TRPC4: variants seen among roughly 807,000 people sequenced by gnomAD.
TRPC4 encodes the protein short transient receptor potential channel 4.
Under a neutral mutation model 99.4 loss-of-function variants are expected in TRPC4, and 49 were observed. That is an observed-to-expected ratio of 0.49 (90% CI 0.39 to 0.63). The LOEUF (loss-of-function observed/expected upper bound fraction) is 0.63, where lower values mean the gene tolerates loss of function less well. Ranked by LOEUF, TRPC4 falls within the 20% of genes least tolerant of loss-of-function variation. TRPC4 has a pLI of 0.00. For synonymous variants in TRPC4, 454 were observed against 425.9 expected (o/e 1.07, Z -0.81); for missense variants, 898 against 1,152.9 (o/e 0.78, Z 3.20).
Position 37,782,967 on chromosome 13 carries a change from CACT to C in TRPC4, c.364_366del (p.Ser122del), listed in dbSNP as rs775802370. The C allele has an allele frequency of 6.9e-7, 1 of 1,457,554 alleles. No homozygotes were observed. The highest frequency in any genetic ancestry group is 1.6e-5 in the South Asian group (1 of 62,642). 90.3% of individuals were successfully genotyped at this position (1,457,554 alleles called of 1,614,324 possible). On this transcript the variant is annotated inframe_deletion, in exon 2 of 11. Transcript: ENST00000379705. ...ATTTTTGCAGGTACCTGTTTTTCTC[CACT>C]AGGTTTTTTGTGGTTCAATAACAGC...
intron 4 of TRPC4, among the ~76,000 whole-genome samples, chr13:37,677,714 A>G (rs1953106832): frequency 6.6e-6 from 1 of 152,172 alleles, no homozygotes; most frequent in Non-Finnish European, 1.5e-5. Flanking sequence ...TTATAAGTGG[A>G]GGTTTCAGCA....
intron 1 of TRPC4, among the ~76,000 whole-genome samples, chr13:37,798,169 T>A (rs1957305753): frequency 6.6e-6 from 1 of 152,176 alleles, no homozygotes; most frequent in Non-Finnish European, 1.5e-5. Flanking sequence ...AGTATGTTCT[T>A]TAATTCAAGT....
chr13:37,693,126 A>AT (rs1057400957), intron 3 of TRPC4, among the ~76,000 whole-genome samples: 1 of 151,980 alleles, frequency 6.6e-6, no homozygotes, highest in East Asian at 1.9e-4. Context: ...CTGGTCCAGG[A>AT]TTTTTTTCTC....
chr13:37,867,657 G>A (rs1380161849), intron 1 of TRPC4, among the ~76,000 whole-genome samples: 1 of 151,998 alleles, frequency 6.6e-6, no homozygotes, highest in Non-Finnish European at 1.5e-5. Context: ...TTCAGAAACA[G>A]CAATTTTTCT....
At chr13:37,701,486 T>C (rs1347629058) in intron 3 of TRPC4, among the ~76,000 whole-genome samples, 2 of 152,100 alleles carry the variant, frequency 1.3e-5, no homozygotes, top group African/African-American at 4.8e-5. Context: ...AAATGAGGCA[T>C]GTATCATTTC....
intron 4 of TRPC4, among the ~76,000 whole-genome samples, chr13:37,677,441 T>C (rs1295287367): frequency 6.6e-6 from 1 of 151,716 alleles, no homozygotes; most frequent in East Asian, 1.9e-4. Flanking sequence ...TCACAATTCA[T>C]CCATAGAAGT....
rs1566138051 is a variant in TRPC4, at chr13:37,745,448, A to ATATATATATATATATATGCG, written c.897+488_897+489insCGCATATATATATATATATA. On this transcript the variant is annotated intron_variant, in intron 3 of 10. Transcript: ENST00000379705. Reference sequence around the variant, plus strand: ...TATATATATATGCGTATATATATATATATATATATATATATATATATATAT... The same window carrying ATATATATATATATATATGCG: ...TATATATATATGCGTATATATATATATATATATATATATATATGCGTATATATATATATATATATATATAT... Among the ~76,000 whole-genome samples the ATATATATATATATATATGCG allele has an allele frequency of 1.0e-3, 3 of 2,920 alleles. No homozygotes were observed. In the Admixed American group the frequency reaches 0.023, roughly 22 times the overall value. 1.9% of individuals were successfully genotyped at this position (2,920 alleles called of 152,430 possible). A position where few individuals can be genotyped will look rare whatever the true frequency, so the allele number is the denominator to read the frequency against.
intron 2 of TRPC4, among the ~76,000 whole-genome samples, chr13:37,752,738 T>C (rs1047809344): frequency 6.6e-6 from 1 of 152,048 alleles, no homozygotes; most frequent in Non-Finnish European, 1.5e-5. Context: ...GGCTGGTACA[T>C]TTAGCTTATT....
At chr13:37,861,828 T>C (rs1959357869) in intron 1 of TRPC4, among the ~76,000 whole-genome samples, 7 of 151,510 alleles carry the variant, frequency 4.6e-5, no homozygotes, top group Admixed American at 4.0e-4. Context: ...TCTTTAAATG[T>C]TCTTTATCCT....
chr13:37,638,109 A>C (rs1035675264), intron 10 of TRPC4, among the ~76,000 whole-genome samples: 3 of 152,102 alleles, frequency 2.0e-5, no homozygotes, highest in African/African-American at 7.2e-5. Context: ...TTCCCCCTAC[A>C]TCTGGGTCAG....
In TRPC4 at chr13:37,637,499, T is replaced by C; in HGVS notation, c.2338A>G (p.Lys780Glu). Residue 780 changes from lysine to glutamate, a missense_variant, in exon 11 of 11, where the codon AAG becomes GAG. By Grantham distance (56) the Lys-to-Glu change is moderately conservative. Coordinates refer to ENST00000379705, the MANE Select transcript of TRPC4 (RefSeq NM_016179.4). ...TTGCTATTACCTTCGCTATCACTCTTTTCATCTGAGTCTGCCGAATTTGAA... is the reference window on the plus strand; with the variant it reads ...TTGCTATTACCTTCGCTATCACTCTCTTCATCTGAGTCTGCCGAATTTGAA... ...ESSNSADSDE[K>E]SDSEGNSKDK... The C allele has an allele frequency of 6.2e-7, 1 of 1,613,796 alleles. No individual in the cohort carries two copies. The highest frequency in any genetic ancestry group is 8.5e-7 in the Non-Finnish European group (1 of 1,179,776).
chr13:37,732,840 C>T (rs1333239206), intron 3 of TRPC4, among the ~76,000 whole-genome samples: 2 of 152,046 alleles, frequency 1.3e-5, no homozygotes, highest in African/African-American at 2.4e-5. Context: ...GAGAAACGTG[C>T]CATGCTCACA....
At chr13:37,711,815 T>G (rs1372391659) in intron 3 of TRPC4, among the ~76,000 whole-genome samples, 1 of 152,132 alleles carries the variant, frequency 6.6e-6, no homozygotes, top group Admixed American at 6.6e-5. Context: ...TAAAATGTTC[T>G]AATAGACATA....
In TRPC4 at chr13:37,649,753, AAAAAAAACAAC is replaced by A. The variant is rs1179073716; in HGVS notation, c.2079+1501_2079+1511del. 1.8e-3 allele frequency among the ~76,000 whole-genome samples: 247 copies of A among 136,014 alleles called. 7 individuals carry two copies. The highest frequency in any genetic ancestry group is 5.7e-3 in the African/African-American group (222 of 39,084). The allele number at this position is 136,014 out of a possible 152,430, so 89.2% of individuals were successfully genotyped here. A position where few individuals can be genotyped will look rare whatever the true frequency, so the allele number is the denominator to read the frequency against. On this transcript the variant is annotated intron_variant, in intron 8 of 10. Coordinates refer to ENST00000379705, the MANE Select transcript of TRPC4 (RefSeq NM_016179.4). ...TCTCAAAAAAAAAAAAAAAAAAAAA[AAAAAAAACAAC>A]AACAAAGAACTAAGCTATTACATTT...
At chr13:37,716,436 T>C (rs1231099265) in intron 3 of TRPC4, among the ~76,000 whole-genome samples, 2 of 152,218 alleles carry the variant, frequency 1.3e-5, no homozygotes, top group African/African-American at 4.8e-5. Context: ...TTAGCAAAGG[T>C]TTCTTTACCA....
At chr13:37,684,794 T>TAC (rs57132536) in intron 4 of TRPC4, among the ~76,000 whole-genome samples, 12,511 of 140,572 alleles carry the variant, frequency 0.089, 554 homozygotes, top group East Asian at 0.12. Context: ...GAGTACCCCT[T>TAC]ACACACACAC....
intron 3 of TRPC4, among the ~76,000 whole-genome samples, chr13:37,715,273 G>A (rs1335051881): frequency 1.3e-5 from 2 of 152,160 alleles, no homozygotes; most frequent in Admixed American, 1.3e-4. Context: ...GGCCAGATAT[G>A]CATATCTCTA....
intron 1 of TRPC4, among the ~76,000 whole-genome samples, chr13:37,830,407 T>G (rs529913773): frequency 1.3e-5 from 2 of 152,022 alleles, no homozygotes; most frequent in African/African-American, 4.8e-5. Flanking sequence ...TTATTTAAAT[T>G]CTTTTTAAAG....
At chr13:37,768,140 A>C (rs1218456093) in intron 2 of TRPC4, among the ~76,000 whole-genome samples, 3 of 151,664 alleles carry the variant, frequency 2.0e-5, no homozygotes, top group African/African-American at 7.2e-5. Context: ...TGAACTACCA[A>C]TATCACATGA....
Sources: allele counts gnomAD v4.1 joint callset (sites outside exome capture counted in the v4.1 genomes callset), GRCh38; gene constraint gnomAD v4.1.1; transcripts MANE v1.5; gene names NCBI Gene and HGNC (gene_info 2026-07-23, HGNC 2026-07-21).